The following PPP2R2B variants were observed in gnomAD, a reference collection of about 807,000 sequenced individuals.
PPP2R2B encodes serine/threonine-protein phosphatase 2A 55 kDa regulatory subunit B beta isoform.
A neutral mutation model predicts 46.0 loss-of-function variants in PPP2R2B; 5 were observed. That is an observed-to-expected ratio of 0.11 (90% CI 0.06 to 0.23). PPP2R2B has a LOEUF of 0.23. Among genes scored for constraint, PPP2R2B ranks in the 10% least tolerant of loss-of-function variants. PPP2R2B has a pLI of 1.00. For missense variants in PPP2R2B, 367 were observed against 575.0 expected, an observed-to-expected ratio of 0.64 and a Z score of 3.70; for synonymous variants, 215 against 206.7, an observed-to-expected ratio of 1.04 and a Z score of -0.34.
intron 1 of PPP2R2B, among the ~76,000 whole-genome samples, chr5:147,023,203 G>A (rs557875398): frequency 1.3e-5 from 2 of 152,284 alleles, no homozygotes; most frequent in South Asian, 4.1e-4. Flanking sequence ...TTATACGTAA[G>A]TGGAATAATA....
intron 2 of PPP2R2B, among the ~76,000 whole-genome samples, chr5:146,708,995 A>G (rs1383896654): frequency 6.6e-6 from 1 of 152,212 alleles, no homozygotes; most frequent in Admixed American, 6.5e-5. Flanking sequence ...TAGTAAATAC[A>G]CAGTTCTGAT....
intron 1 of PPP2R2B, among the ~76,000 whole-genome samples, chr5:146,980,687 G>A (rs937695410): frequency 6.6e-6 from 1 of 152,160 alleles, no homozygotes; most frequent in Non-Finnish European, 1.5e-5. Context: ...TTATGGTAAT[G>A]TGGTCTCTGT....
chr5:147,010,685 C>T (rs534309599), intron 1 of PPP2R2B, among the ~76,000 whole-genome samples: 2 of 152,112 alleles, frequency 1.3e-5, no homozygotes, highest in African/African-American at 4.8e-5. Flanking sequence ...TTTGCTTGCC[C>T]GCCGCTCACC....
intron 2 of PPP2R2B, among the ~76,000 whole-genome samples, chr5:146,837,841 A>G (rs999043214): frequency 6.6e-6 from 1 of 152,194 alleles, no homozygotes; most frequent in African/African-American, 2.4e-5. Flanking sequence ...TAGGAAGTTC[A>G]AAAGGGGGAA....
chr5:146,738,935 C>T (rs1231633496), intron 2 of PPP2R2B, among the ~76,000 whole-genome samples: 1 of 152,116 alleles, frequency 6.6e-6, no homozygotes. Flanking sequence ...ATATTACTGT[C>T]TGGTGAGGGA....
chr5:146,778,573 G>A (rs1755324533), intron 2 of PPP2R2B, among the ~76,000 whole-genome samples: 2 of 152,026 alleles, frequency 1.3e-5, no homozygotes, highest in South Asian at 4.1e-4. Context: ...TCTCACTGAT[G>A]GTGCCACAGT....
chr5:146,729,829 C>A (rs1429979309), intron 2 of PPP2R2B, among the ~76,000 whole-genome samples: 1 of 152,220 alleles, frequency 6.6e-6, no homozygotes, highest in Non-Finnish European at 1.5e-5. Context: ...GATGCCCAGG[C>A]AAAAGTTTGC....
chr5:146,700,032 C>T (rs981080905), intron 3 of PPP2R2B, among the ~76,000 whole-genome samples: 6 of 152,142 alleles, frequency 3.9e-5, no homozygotes, highest in Non-Finnish European at 7.3e-5. Context: ...CGAGGGATTA[C>T]GATGCCCTTA....
chr5:146,782,007 C>T (rs560120708), intron 2 of PPP2R2B, among the ~76,000 whole-genome samples: 130 of 152,112 alleles, frequency 8.5e-4, no homozygotes, highest in African/African-American at 8.2e-4. Context: ...ACTGTTGTCA[C>T]GATAATAAGC....
At chr5:146,733,820 T>C (rs761410590) in intron 2 of PPP2R2B, among the ~76,000 whole-genome samples, 4 of 152,178 alleles carry the variant, frequency 2.6e-5, no homozygotes, top group Non-Finnish European at 4.4e-5. Flanking sequence ...TTGCAATATA[T>C]GTGCTGGAAA....
chr5:147,073,808 C>T (rs968148201), intron 2 of PPP2R2B, among the ~76,000 whole-genome samples: 16 of 152,104 alleles, frequency 1.1e-4, no homozygotes, highest in African/African-American at 3.9e-4. Flanking sequence ...GAGGCCGAGG[C>T]AGGCAGATCA....
intron 2 of PPP2R2B, among the ~76,000 whole-genome samples, chr5:146,824,994 G>T (rs1758484678): frequency 6.6e-6 from 1 of 152,070 alleles, no homozygotes; most frequent in Non-Finnish European, 1.5e-5. Flanking sequence ...AAAGTTCTGG[G>T]ATTACAGGCG....
chr5:146,776,016 G>A (rs962794225), intron 2 of PPP2R2B, among the ~76,000 whole-genome samples: 3 of 152,064 alleles, frequency 2.0e-5, no homozygotes, highest in African/African-American at 4.8e-5. Flanking sequence ...TTCATGGATG[G>A]GAAGACTTAA....
intron 2 of PPP2R2B, among the ~76,000 whole-genome samples, chr5:146,806,972 A>G (rs1441280720): frequency 6.6e-6 from 1 of 152,104 alleles, no homozygotes; most frequent in Non-Finnish European, 1.5e-5. Context: ...CCATTTCCCT[A>G]TCTGAAAAAG....
In PPP2R2B at chr5:146,641,235, A is replaced by T. The variant is rs1028633899; in HGVS notation, c.626-2820T>A. 1.1e-3 allele frequency among the ~76,000 whole-genome samples: 174 copies of T among 152,272 alleles called. 1 individual carries two copies. Among genetic ancestry groups the T allele is most frequent in the African/African-American group, 4.0e-3 (166 of 41,546 alleles). ...GAACTCAGATAAATTACTCAAGGTT[A>T]TGTGACACAGTGGGCAGAGCTGGGA... is the stretch of plus-strand genomic sequence containing the variant. On this transcript the variant is annotated intron_variant, in intron 6 of 9. Coordinates refer to ENST00000394411, the MANE Select transcript of PPP2R2B (RefSeq NM_181675.4).
rs200769633 is a variant in PPP2R2B at position 147,041,171 on chromosome 5, G to A, written c.79+14494C>T. ...CTCACCCAAGGGTTTTGGGTTAACC[G>A]CTCTGCAAGATGGTGGGCAGGATCT... On this transcript the variant is annotated intron_variant, in intron 1 of 8. Coordinates refer to the PPP2R2B transcript ENST00000336640. Among the ~76,000 whole-genome samples, 9 of 152,236 alleles carry A rather than the reference G, an allele frequency of 5.9e-5. No individual in the cohort carries two copies. In the East Asian group the frequency reaches 1.7e-3, roughly 30 times the overall value.
In PPP2R2B at chr5:146,589,809, C is replaced by T; in HGVS notation, c.*138G>A. ...GAACTGGGGAGCTGGGAATGTTGGACTCCTTTTAATTCTATTCCAATCATT... is the reference window on the plus strand; with the variant it reads ...GAACTGGGGAGCTGGGAATGTTGGATTCCTTTTAATTCTATTCCAATCATT... On this transcript the variant is annotated 3_prime_UTR_variant, in exon 10 of 10. Coordinates refer to ENST00000394411, the MANE Select transcript of PPP2R2B (RefSeq NM_181675.4). 1 of 932,422 alleles carries T rather than the reference C, an allele frequency of 1.1e-6. No homozygotes were observed. The highest frequency in any genetic ancestry group is 1.6e-6 in the Non-Finnish European group (1 of 622,578). 57.8% of individuals were successfully genotyped at this position (932,422 alleles called of 1,614,324 possible).
At position 146,581,587 on chromosome 5, in the gene PPP2R2B, G is replaced by C. The variant is rs1043797446; in HGVS notation, c.*8360C>G. On this transcript the variant is annotated 3_prime_UTR_variant, in exon 10 of 10. Coordinates refer to ENST00000394411, the MANE Select transcript of PPP2R2B (RefSeq NM_181675.4). ...AATAAGAACTGTTGTCCTTCTTCTC[G>C]TCAGGGAGGAAATGAGGGGTTTAAA... 6.6e-6 allele frequency: 1 copy of C among 152,022 alleles called. No homozygotes were observed. The highest frequency in any genetic ancestry group is 1.9e-4 in the East Asian group (1 of 5,186). 9.4% of individuals were successfully genotyped at this position (152,022 alleles called of 1,614,324 possible). A position where few individuals can be genotyped will look rare whatever the true frequency, so the allele number is the denominator to read the frequency against.
At chr5:146,621,304 C>CTT (rs1233696422) in intron 7 of PPP2R2B, among the ~76,000 whole-genome samples, 3 of 152,244 alleles carry the variant, frequency 2.0e-5, no homozygotes, top group Non-Finnish European at 4.4e-5. Flanking sequence ...GCGCTAAACT[C>CTT]TTTATGGAGA....
Sources: allele counts gnomAD v4.1 joint callset (sites outside exome capture counted in the v4.1 genomes callset), GRCh38; gene constraint gnomAD v4.1.1; transcripts MANE v1.5; gene names NCBI Gene and HGNC (gene_info 2026-07-23, HGNC 2026-07-21).